CDH23: variants seen among roughly 807,000 people sequenced by gnomAD.
CDH23 encodes the protein cadherin-23.
CDH23 carries 189 observed loss-of-function variants against 317.1 expected under a neutral mutation model. The ratio of observed to expected loss-of-function variants is 0.60; its 90% CI spans 0.53 to 0.67. The LOEUF (loss-of-function observed/expected upper bound fraction) is 0.67, where lower values mean the gene tolerates loss of function less well. CDH23 is among the 30% of genes least tolerant of loss of function. CDH23 has a pLI of 0.00. For missense variants in CDH23, 4,401 were observed against 4,592.4 expected (o/e 0.96, Z 1.20); for synonymous variants, 1,839 against 1,876.8 (o/e 0.98, Z 0.52).
At chr10:71,783,877 G>A (rs1209632010) in intron 41 of CDH23, among the ~76,000 whole-genome samples, 1 of 152,208 alleles carries the variant, frequency 6.6e-6, no homozygotes, top group East Asian at 1.9e-4. Flanking sequence ...ATGGCATGTG[G>A]GATGGATCGT....
intron 3 of CDH23, among the ~76,000 whole-genome samples, chr10:71,496,769 G>T (rs907578832): frequency 7.9e-5 from 12 of 152,214 alleles, no homozygotes; most frequent in African/African-American, 2.9e-4. Flanking sequence ...GGTTCAGCTT[G>T]TTCTTAAATC....
At chr10:71,403,379 CTTTCTT>C (rs1847897358) in intron 1 of CDH23, among the ~76,000 whole-genome samples, 1 of 115,534 alleles carries the variant, frequency 8.7e-6, no homozygotes, top group African/African-American at 4.4e-5. Context: ...TTCTTTCTTT[CTTTCTT>C]TCTTTCTTTC....
intron 69 of CDH23, among the ~76,000 whole-genome samples, chr10:71,814,681 T>C (rs1355760432): frequency 4.1e-5 from 6 of 147,700 alleles, no homozygotes; most frequent in African/African-American, 7.4e-5. Context: ...AAGAAGCCGA[T>C]ACACACACAC....
In CDH23 at chr10:71,762,043, G is replaced by A. The variant is rs1278692512; in HGVS notation, c.4846-15637G>A. 6 of 1,577,330 alleles carry A rather than the reference G, an allele frequency of 3.8e-6. No homozygotes were observed. In the African/African-American group the frequency reaches 4.0e-5, roughly 11 times the overall value. On this transcript the variant is annotated intron_variant, in intron 38 of 69. Coordinates refer to ENST00000224721, the MANE Select transcript of CDH23 (RefSeq NM_022124.6). ...CCACCGGACCTGCTCAGAGAGAGGA[G>A]AGCCCTGTCACCTGACTGATCCAGT...
intron 38 of CDH23, among the ~76,000 whole-genome samples, chr10:71,756,785 C>G (rs1317413603): frequency 6.6e-6 from 1 of 152,192 alleles, no homozygotes; most frequent in Non-Finnish European, 1.5e-5. Context: ...AACTTCGCCC[C>G]AAAGAGCTCT....
intron 2 of CDH23, among the ~76,000 whole-genome samples, chr10:71,443,090 G>A (rs1409127839): frequency 2.0e-5 from 3 of 152,148 alleles, no homozygotes; most frequent in South Asian, 2.1e-4. Flanking sequence ...GGCGACTGGC[G>A]GGGGCACTCT....
chr10:71,620,163 C>T (rs1861394845), intron 11 of CDH23, among the ~76,000 whole-genome samples: 1 of 152,160 alleles, frequency 6.6e-6, no homozygotes, highest in Non-Finnish European at 1.5e-5. Context: ...ACCAGCTCTT[C>T]TGTGCTTCAT....
intron 14 of CDH23, among the ~76,000 whole-genome samples, chr10:71,669,585 T>C (rs1243084608): frequency 6.6e-6 from 1 of 152,074 alleles, no homozygotes; most frequent in Non-Finnish European, 1.5e-5. Flanking sequence ...GTAGCTTGGA[T>C]TACAGGCATG....
In CDH23 at chr10:71,519,933, C is replaced by T. The variant is rs944934386; in HGVS notation, c.429+8721C>T. ...CCTCCCAAGTAGCTGGGACTACAGG[C>T]ACATACCAACATGCCTAGCTAATTT... On this transcript the variant is annotated intron_variant, in intron 6 of 69. Transcript: ENST00000224721. Among the ~76,000 whole-genome samples the T allele has an allele frequency of 3.1e-4, 47 of 151,986 alleles. 1 individual carries two copies. Among genetic ancestry groups the T allele is most frequent in the African/African-American group, 1.1e-3 (44 of 41,514 alleles).
chr10:71,676,922 G>T (rs997457749), intron 15 of CDH23, among the ~76,000 whole-genome samples: 3 of 152,162 alleles, frequency 2.0e-5, no homozygotes, highest in Non-Finnish European at 2.9e-5. Flanking sequence ...GCTCCTGAGG[G>T]GACATTTAGA....
intron 1 of CDH23, among the ~76,000 whole-genome samples, chr10:71,437,555 T>C (rs773985002): frequency 1.3e-5 from 2 of 152,198 alleles, no homozygotes; most frequent in East Asian, 1.9e-4. Context: ...ATTCTCAAAG[T>C]AAACAGTAGC....
intron 1 of CDH23, among the ~76,000 whole-genome samples, chr10:71,424,889 C>G (rs1848985526): frequency 6.6e-6 from 1 of 152,130 alleles, no homozygotes; most frequent in South Asian, 2.1e-4. Context: ...GAGAGGAGCT[C>G]AGGGAAGGCT....
Position 71,751,118 on chromosome 10 carries a change from T to A in CDH23, c.4845+9197T>A, listed in dbSNP as rs570367547. 9.6e-7 allele frequency: 1 copy of A among 1,042,312 alleles called. No homozygotes were observed. The highest frequency in any genetic ancestry group is 2.8e-5 in the Admixed American group (1 of 36,222). 64.6% of individuals were successfully genotyped at this position (1,042,312 alleles called of 1,614,324 possible). A position where few individuals can be genotyped will look rare whatever the true frequency, so the allele number is the denominator to read the frequency against. ...GGGTTGAGGGGCTGGGCTTCTGGGATGTCACAGTATCTGAGCCCAGAGCAG... is the reference window on the plus strand; with the variant it reads ...GGGTTGAGGGGCTGGGCTTCTGGGAAGTCACAGTATCTGAGCCCAGAGCAG... On this transcript the variant is annotated intron_variant, in intron 38 of 69. Transcript: ENST00000224721. This position sits in a 1 kb window ranked among gnomAD's most constrained non-coding sequence, Gnocchi z 4.9.
chr10:71,506,979 C>G (rs1853674794), intron 3 of CDH23, among the ~76,000 whole-genome samples: 1 of 152,220 alleles, frequency 6.6e-6, no homozygotes, highest in African/African-American at 2.4e-5. Flanking sequence ...CAGCGCCCCC[C>G]TTCTTGGGAG....
Position 71,814,954 on chromosome 10 carries a change from G to A in CDH23, c.9741G>A (p.Leu3247=). The change falls in exon 70 of 70, where the codon CTG becomes CTA. Residue 3247 remains leucine, a splice_region_variant and synonymous_variant. Transcript: ENST00000224721. ...ASSCHSSISE[L]IQTELDEEPG... ...GTGGGGGTCCCGGCCTCTTGCAGCT[G>A]ATACAGACTGAGCTGGACGAGGAGC... is the stretch of plus-strand genomic sequence containing the variant. The A allele has an allele frequency of 6.2e-7, 1 of 1,609,606 alleles. No homozygotes were observed. Among genetic ancestry groups the A allele is most frequent in the South Asian group, 1.1e-5 (1 of 90,822 alleles).
At chr10:71,625,233 C>T (rs556353395) in intron 11 of CDH23, among the ~76,000 whole-genome samples, 4 of 151,492 alleles carry the variant, frequency 2.6e-5, no homozygotes, top group African/African-American at 9.7e-5. Context: ...TTGGTCCCAC[C>T]GAGCGGAGGG....
intron 3 of CDH23, among the ~76,000 whole-genome samples, chr10:71,470,183 T>C (rs568603874): frequency 2.6e-5 from 4 of 152,346 alleles, no homozygotes; most frequent in African/African-American, 9.6e-5. Flanking sequence ...AAAGTGGTTG[T>C]ACCCTTTCAC....
At chr10:71,438,825 G>A (rs1262838798) in intron 1 of CDH23, among the ~76,000 whole-genome samples, 1 of 152,180 alleles carries the variant, frequency 6.6e-6, no homozygotes, top group African/African-American at 2.4e-5. Flanking sequence ...CCAGGGAGAT[G>A]AACACGCCCC....
intron 6 of CDH23, among the ~76,000 whole-genome samples, chr10:71,545,837 C>A (rs1010742534): frequency 2.0e-5 from 3 of 152,138 alleles, no homozygotes; most frequent in Non-Finnish European, 4.4e-5. Flanking sequence ...GTGAAGCACG[C>A]ATTATCTTAG....
Sources: gnomAD v4.1 joint callset for allele counts (sites outside exome capture counted in the v4.1 genomes callset) on GRCh38, gnomAD v4.1.1 for gene constraint, Gnocchi (gnomAD v3.1) non-coding constraint, MANE v1.5 for transcripts, NCBI Gene and HGNC (gene_info 2026-07-23, HGNC 2026-07-21) for gene names.